Variants in PDE4D observed in about 807,000 individuals in gnomAD.
PDE4D encodes the protein 3',5'-cyclic-AMP phosphodiesterase 4D.
In PDE4D, 24 loss-of-function variants were observed where a neutral mutation model predicts 87.4. That is an observed-to-expected ratio of 0.27 (90% CI 0.20 to 0.39). PDE4D has a LOEUF of 0.39. Among genes scored for constraint, PDE4D ranks in the 10% least tolerant of loss-of-function variants. The probability of loss-of-function intolerance (pLI) is 1.00; values close to 1 mark genes in which losing one functional copy is unlikely to be tolerated. For synonymous variants in PDE4D, 384 were observed against 383.2 expected (o/e 1.00, Z -0.02); for missense variants, 714 against 1,041.0 (o/e 0.69, Z 4.32).
At chr5:59,459,451 T>C (rs1166906375) in intron 1 of PDE4D, among the ~76,000 whole-genome samples, 2 of 152,198 alleles carry the variant, frequency 1.3e-5, no homozygotes, top group Non-Finnish European at 2.9e-5. Context: ...TACCTTGCCT[T>C]GAACCCTAAC....
At chr5:59,762,872 TATATATATATATATATATATAG>T (rs1463750864) in intron 1 of PDE4D, among the ~76,000 whole-genome samples, 2 of 130,560 alleles carry the variant, frequency 1.5e-5, no homozygotes, top group Non-Finnish European at 3.3e-5. Flanking sequence ...TATATATATA[TATATATATATATATATATATAG>T]CTTGCTCTTT....
intron 3 of PDE4D, among the ~76,000 whole-genome samples, chr5:59,968,301 T>G (rs1760301235): frequency 6.6e-6 from 1 of 152,054 alleles, no homozygotes; most frequent in African/African-American, 2.4e-5. Context: ...TGCCATATTC[T>G]TAAGCAAATT....
intron 5 of PDE4D, among the ~76,000 whole-genome samples, chr5:59,128,032 G>A (rs1270567826): frequency 6.5e-5 from 9 of 139,312 alleles, no homozygotes; most frequent in East Asian, 2.1e-4. Flanking sequence ...GTGTGTGTGT[G>A]TGTGTGTGTG....
chr5:59,665,431 T>C (rs1745920472), intron 1 of PDE4D, among the ~76,000 whole-genome samples: 1 of 152,220 alleles, frequency 6.6e-6, no homozygotes, highest in African/African-American at 2.4e-5. Context: ...ATTTTTATTT[T>C]TCCCAACATA....
chr5:59,206,981 G>A (rs879119328), intron 2 of PDE4D, among the ~76,000 whole-genome samples: 1 of 151,948 alleles, frequency 6.6e-6, no homozygotes, highest in African/African-American at 2.4e-5. Context: ...TCAGGAATTC[G>A]AGACCAACCT....
At chr5:59,062,974 A>G (rs1763374466) in intron 5 of PDE4D, 1 of 152,070 alleles carries the variant, frequency 6.6e-6, no homozygotes, top group Admixed American at 6.6e-5. Context: ...TTCAAGCTCT[A>G]AGTAATTCTA....
At chr5:59,947,413 G>A (rs754822250) in intron 3 of PDE4D, among the ~76,000 whole-genome samples, 1 of 152,096 alleles carries the variant, frequency 6.6e-6, no homozygotes, top group Non-Finnish European at 1.5e-5. Context: ...GGGCGGCCCG[G>A]GGGAGGTAGC....
At chr5:59,672,887 A>AT (rs1747456061) in intron 1 of PDE4D, among the ~76,000 whole-genome samples, 1 of 152,210 alleles carries the variant, frequency 6.6e-6, no homozygotes, top group Non-Finnish European at 1.5e-5. Context: ...CTTTGAAATC[A>AT]TAACAAGATG....
At chr5:59,667,269 T>C (rs1164844430) in intron 1 of PDE4D, among the ~76,000 whole-genome samples, 1 of 152,106 alleles carries the variant, frequency 6.6e-6, no homozygotes, top group African/African-American at 2.4e-5. Flanking sequence ...ATTATTTTTA[T>C]TGTGTTGTGT....
At chr5:59,056,427 G>A (rs1762372121) in intron 5 of PDE4D, among the ~76,000 whole-genome samples, 1 of 151,988 alleles carries the variant, frequency 6.6e-6, no homozygotes. Context: ...TTTTTTGTTT[G>A]TTTGTTTTCT....
chr5:59,888,417 T>C (rs571500755), intron 1 of PDE4D, among the ~76,000 whole-genome samples: 63 of 152,344 alleles, frequency 4.1e-4, no homozygotes, highest in African/African-American at 1.4e-3. Context: ...AAGTATTAAA[T>C]GAAGTTACCA....
chr5:60,169,522 C>T (rs767285840), intron 2 of PDE4D, among the ~76,000 whole-genome samples: 26 of 151,904 alleles, frequency 1.7e-4, no homozygotes, highest in Non-Finnish European at 2.7e-4. Flanking sequence ...GTTTCTAAAT[C>T]TATCTATGAG....
intron 5 of PDE4D, among the ~76,000 whole-genome samples, chr5:59,149,706 GTTTTTTTTT>G (rs76421367): frequency 2.9e-5 from 2 of 69,262 alleles, no homozygotes; most frequent in East Asian, 9.5e-4. Flanking sequence ...CTCTCCTCGA[GTTTTTTTTT>G]TTTTTTTTTT....
In PDE4D at chr5:60,494,216, C is replaced by T. The variant is rs145446368; in HGVS notation, n.70+27835G>A. ...AGGAGTTGAATGAGCTAAGCTAAGT[C>T]TCACTTATTCTAATGATCCTGCTCC... is the stretch of plus-strand genomic sequence containing the variant. On this transcript the variant is annotated intron_variant and non_coding_transcript_variant, in intron 1 of 2. Transcript: ENST00000506510. 6.5e-4 allele frequency among the ~76,000 whole-genome samples: 99 copies of T among 152,312 alleles called. 1 individual carries two copies. In the East Asian group the frequency reaches 0.017, roughly 26 times the overall value.
intron 2 of PDE4D, among the ~76,000 whole-genome samples, chr5:60,118,760 C>G (rs528726873): frequency 6.6e-6 from 1 of 152,030 alleles, no homozygotes; most frequent in Admixed American, 6.6e-5. Context: ...CTCAAACAAC[C>G]TGCATTATCA....
chr5:59,741,311 G>A (rs1758800259), intron 1 of PDE4D, among the ~76,000 whole-genome samples: 2 of 152,016 alleles, frequency 1.3e-5, no homozygotes, highest in African/African-American at 2.4e-5. Flanking sequence ...ATGTCACTAC[G>A]CAGGTGAAAT....
At chr5:60,334,131 C>CATATCATATAA (rs1757544741) in intron 1 of PDE4D, among the ~76,000 whole-genome samples, 1 of 152,162 alleles carries the variant, frequency 6.6e-6, no homozygotes, top group Non-Finnish European at 1.5e-5. Context: ...AATATGATAT[C>CATATCATATAA]AAGGTCTCTC....
intron 3 of PDE4D, among the ~76,000 whole-genome samples, chr5:59,954,613 C>A (rs1195178509): frequency 2.6e-5 from 4 of 152,268 alleles, no homozygotes; most frequent in African/African-American, 9.6e-5. Context: ...AATAAGAATT[C>A]ATTCTTATTC....
intron 2 of PDE4D, among the ~76,000 whole-genome samples, chr5:60,072,637 T>C (rs1006090382): frequency 6.6e-6 from 1 of 152,190 alleles, no homozygotes; most frequent in Non-Finnish European, 1.5e-5. Context: ...TTTATAGCTT[T>C]GAGTTTTACG....
Sources: allele counts gnomAD v4.1 joint callset (sites outside exome capture counted in the v4.1 genomes callset), GRCh38; gene constraint gnomAD v4.1.1; transcripts MANE v1.5; gene names NCBI Gene and HGNC (gene_info 2026-07-23, HGNC 2026-07-21).